SLC12A1: variants seen among roughly 807,000 people sequenced by gnomAD.
SLC12A1 encodes the protein solute carrier family 12 member 1, also known as Na-K-2Cl cotransporter.
Under a neutral mutation model 130.4 loss-of-function variants are expected in SLC12A1, and 89 were observed. The observed-to-expected ratio is 0.68, with a 90% confidence interval of 0.58 to 0.81. The LOEUF (loss-of-function observed/expected upper bound fraction) is 0.81, where lower values mean the gene tolerates loss of function less well. SLC12A1 is among the 40% of genes least tolerant of loss of function. The pLI is 0.00. For synonymous variants in SLC12A1, 499 were observed against 460.0 expected (o/e 1.08, Z -1.09); for missense variants, 1,310 against 1,336.4 (o/e 0.98, Z 0.31).
At chr15:48,258,860 T>C (rs1428128572) in intron 16 of SLC12A1, among the ~76,000 whole-genome samples, 3 of 152,154 alleles carry the variant, frequency 2.0e-5, no homozygotes, top group Non-Finnish European at 4.4e-5. Context: ...TCTGTCCCCA[T>C]GATTCAATTA....
chr15:48,219,586 A>G (rs2041173716), intron 2 of SLC12A1, among the ~76,000 whole-genome samples: 1 of 150,874 alleles, frequency 6.6e-6, no homozygotes, highest in Admixed American at 6.6e-5. Context: ...ATGAAAAAAG[A>G]AAGATGAAAG....
intron 2 of SLC12A1, 29 bp from the exon 3 acceptor site, chr15:48,220,605 A>G: frequency 6.2e-7 from 1 of 1,603,080 alleles, no homozygotes; most frequent in Non-Finnish European, 8.5e-7. Context: ...TTGACCAACT[A>G]CTGTGTTTTT....
chr15:48,285,073 A>G, intron 20 of SLC12A1, 33 bp from the exon 21 acceptor site: 2 of 1,512,444 alleles, frequency 1.3e-6, no homozygotes, highest in Non-Finnish European at 8.9e-7. Flanking sequence ...TGTAGTTCTG[A>G]GTTAAGTAGG....
At chr15:48,273,712 T>C (rs973341490) in intron 19 of SLC12A1, among the ~76,000 whole-genome samples, 7 of 152,200 alleles carry the variant, frequency 4.6e-5, no homozygotes, top group African/African-American at 1.4e-4. Context: ...ACCAAACTTA[T>C]GTATACCAAA....
intron 6 of SLC12A1, among the ~76,000 whole-genome samples, chr15:48,229,585 T>C (rs2041344412): frequency 1.3e-5 from 2 of 152,206 alleles, no homozygotes; most frequent in Non-Finnish European, 2.9e-5. Flanking sequence ...ATAATACTGT[T>C]ATATGTATTT....
intron 19 of SLC12A1, among the ~76,000 whole-genome samples, chr15:48,273,732 A>G (rs966238607): frequency 6.6e-6 from 1 of 152,202 alleles, no homozygotes; most frequent in Non-Finnish European, 1.5e-5. Flanking sequence ...ATGAAAATTC[A>G]GACTTACCTA....
rs1444017284 is a variant in SLC12A1 at position 48,302,743 on chromosome 15, T to C, written c.3165-7T>C. 2 of 1,588,268 alleles carry C rather than the reference T, an allele frequency of 1.3e-6. No individual in the cohort carries two copies. The highest frequency in any genetic ancestry group is 3.5e-5 in the Admixed American group (2 of 56,546). ...TTCATTTTTAAATTTTTCCTTCATG[T>C]CATTAGGAGCCTTCCCGTGGCAAGA... On this transcript the variant is annotated splice_region_variant and splice_polypyrimidine_tract_variant and intron_variant, in intron 26 of 26. Transcript: ENST00000380993.
chr15:48,245,112 C>T (rs769261743), intron 11 of SLC12A1, among the ~76,000 whole-genome samples: 61 of 152,286 alleles, frequency 4.0e-4, no homozygotes, highest in Middle Eastern at 3.4e-3. Context: ...AGACAATAGG[C>T]AGTGGTATGA....
At chr15:48,261,402 C>T (rs768026154) in intron 17 of SLC12A1, among the ~76,000 whole-genome samples, 21 of 152,146 alleles carry the variant, frequency 1.4e-4, no homozygotes, top group Non-Finnish European at 3.1e-4. Context: ...ACCAATGGCC[C>T]TGTTTGTTTG....
intron 14 of SLC12A1, among the ~76,000 whole-genome samples, chr15:48,249,934 C>G (rs2041628040): frequency 6.6e-6 from 1 of 152,152 alleles, no homozygotes; most frequent in Admixed American, 6.5e-5. Context: ...GCAAGAGAAA[C>G]CACACTTATT....
chr15:48,228,626 GA>G (rs199746555), intron 5 of SLC12A1: 2 of 254,182 alleles, frequency 7.9e-6, no homozygotes, highest in East Asian at 2.0e-4. Flanking sequence ...TAAAAACATA[GA>G]AAAGCAAGTT....
At chr15:48,289,394 C>CATATATATATATAT (rs10609887) in intron 23 of SLC12A1, among the ~76,000 whole-genome samples, 11 of 112,850 alleles carry the variant, frequency 9.7e-5, no homozygotes, top group South Asian at 5.7e-4. Context: ...GTGAATGTGA[C>CATATATATATATAT]ATATATATAT....
intron 10 of SLC12A1, among the ~76,000 whole-genome samples, chr15:48,243,493 T>TA (rs1468948307): frequency 1.3e-5 from 2 of 152,046 alleles, no homozygotes; most frequent in African/African-American, 4.8e-5. Context: ...CCATCTCTAC[T>TA]AAAAATACAA....
In SLC12A1 at chr15:48,261,298, T is replaced by C. The variant is rs1039517650; in HGVS notation, c.2154+1987T>C. 2.0e-5 allele frequency among the ~76,000 whole-genome samples: 3 copies of C among 152,246 alleles called. No individual in the cohort carries two copies. In the South Asian group the frequency reaches 6.2e-4, roughly 32 times the overall value. On this transcript the variant is annotated intron_variant, in intron 17 of 26. Coordinates refer to ENST00000380993, the MANE Select transcript of SLC12A1 (RefSeq NM_000338.3). The stretch of plus-strand genomic sequence containing the variant: ...AGGGTCGCCTCAGAAACAAAAGAGA[T>C]TGCTTTTAATTAACCATTTGCTGCT...
chr15:48,289,428 T>TAA (rs369279247), intron 23 of SLC12A1, among the ~76,000 whole-genome samples: 1,332 of 106,742 alleles, frequency 0.012, 25 homozygotes, highest in Non-Finnish European at 0.021. Context: ...TATATATATA[T>TAA]AATGTATAAC....
intron 17 of SLC12A1, among the ~76,000 whole-genome samples, chr15:48,260,642 G>A (rs2041764040): frequency 6.6e-6 from 1 of 152,144 alleles, no homozygotes; most frequent in African/African-American, 2.4e-5. Context: ...CCACACAAGT[G>A]TGCTAAGTGT....
At chr15:48,234,355 T>C (rs183621387) in intron 8 of SLC12A1, among the ~76,000 whole-genome samples, 92 of 152,292 alleles carry the variant, frequency 6.0e-4, no homozygotes, top group Non-Finnish European at 9.8e-4. Flanking sequence ...GTCATAGAGA[T>C]CTAAAACCTT....
chr15:48,239,916 G>GCTGGGATTACAGGCGTGAGCCACTGCAC (rs2041483506), intron 9 of SLC12A1, among the ~76,000 whole-genome samples: 1 of 151,344 alleles, frequency 6.6e-6, no homozygotes, highest in African/African-American at 2.4e-5. Flanking sequence ...CTCCCAAAGT[G>GCTGGGATTACAGGCGTGAGCCACTGCAC]CTGGGATTAC....
intron 24 of SLC12A1, among the ~76,000 whole-genome samples, chr15:48,298,137 C>T (rs1472213124): frequency 6.6e-6 from 1 of 152,112 alleles, no homozygotes; most frequent in Non-Finnish European, 1.5e-5. Context: ...GATAATTGAA[C>T]TCATTACTTC....
Sources: allele counts gnomAD v4.1 joint callset (sites outside exome capture counted in the v4.1 genomes callset), GRCh38; gene constraint gnomAD v4.1.1; transcripts MANE v1.5; gene names NCBI Gene and HGNC (gene_info 2026-07-23, HGNC 2026-07-21).